C6orf132: variants seen among roughly 807,000 people sequenced by gnomAD.
The protein encoded by C6orf132 is chromosome 6 open reading frame 132.
Under a neutral mutation model 65.3 loss-of-function variants are expected in C6orf132, and 43 were observed. That is an observed-to-expected ratio of 0.66 (90% CI 0.52 to 0.85). C6orf132 has a LOEUF of 0.85. Among genes scored for constraint, C6orf132 ranks in the 40% least tolerant of loss-of-function variants. C6orf132 has a pLI of 0.00. For missense variants in C6orf132, 1,488 were observed against 1,548.8 expected (o/e 0.96, Z 0.66); for synonymous variants, 631 against 654.1 (o/e 0.96, Z 0.54).
chr6:42,126,044 C>T lies in C6orf132; in HGVS notation c.252+2628G>A, dbSNP rs145309546. On this transcript the variant is annotated intron_variant, in intron 2 of 4. Coordinates refer to ENST00000341865, the MANE Select transcript of C6orf132 (RefSeq NM_001164446.3). Reference sequence around the variant, plus strand: ...CAGGAGCCACTCCAGGGGCAACATCCGTTTCTACTGTGTAGAGAAGTATTT... The same window carrying T: ...CAGGAGCCACTCCAGGGGCAACATCTGTTTCTACTGTGTAGAGAAGTATTT... 1.6e-3 allele frequency among the ~76,000 whole-genome samples: 240 copies of T among 152,280 alleles called. 2 individuals are homozygous for T. The highest frequency in any genetic ancestry group is 5.4e-3 in the African/African-American group (223 of 41,568).
chr6:42,119,547 A>G (rs545570748), intron 2 of C6orf132, among the ~76,000 whole-genome samples: 1 of 151,310 alleles, frequency 6.6e-6, no homozygotes, highest in East Asian at 2.0e-4. Flanking sequence ...GGTTTTTGCT[A>G]TGTTGGCTAG....
At position 42,103,689 on chromosome 6, in the gene C6orf132, C is replaced by A; in HGVS notation, c.*72G>T. 9.9e-7 allele frequency: 1 copy of A among 1,011,510 alleles called. No homozygotes were observed. The highest frequency in any genetic ancestry group is 1.3e-6 in the Non-Finnish European group (1 of 765,288). The allele number at this position is 1,011,510 out of a possible 1,614,324, so 62.7% of individuals were successfully genotyped here. On this transcript the variant is annotated 3_prime_UTR_variant, in exon 5 of 5. Coordinates refer to ENST00000341865, the MANE Select transcript of C6orf132 (RefSeq NM_001164446.3). ...CCAACACCTGCTGTGTACCTCCCAC[C>A]CCCCACAAGAAACAAGTGCCCAGAT...
chr6:42,113,540 C>T (rs954152854), intron 2 of C6orf132, among the ~76,000 whole-genome samples: 2 of 152,220 alleles, frequency 1.3e-5, no homozygotes, highest in Admixed American at 6.5e-5. Flanking sequence ...GGCAGCTGGG[C>T]ATGGTGGCTC....
At chr6:42,108,216 T>C (rs1355121677) in intron 3 of C6orf132, among the ~76,000 whole-genome samples, 1 of 152,206 alleles carries the variant, frequency 6.6e-6, no homozygotes, top group Non-Finnish European at 1.5e-5. Flanking sequence ...ACTTATTAGA[T>C]GAGTGACCTT....
chr6:42,120,240 G>C (rs888988438), intron 2 of C6orf132, among the ~76,000 whole-genome samples: 2 of 150,202 alleles, frequency 1.3e-5, no homozygotes, highest in African/African-American at 4.9e-5. Context: ...TCTTTATTGC[G>C]AGGTTCTTTT....
intron 3 of C6orf132, among the ~76,000 whole-genome samples, chr6:42,108,720 G>C (rs1002102833): frequency 3.3e-5 from 5 of 152,086 alleles, no homozygotes; most frequent in Non-Finnish European, 7.4e-5. Context: ...CCCCAGCAGC[G>C]CACATCCCTC....
intron 2 of C6orf132, among the ~76,000 whole-genome samples, chr6:42,125,477 G>A (rs1766749637): frequency 6.6e-6 from 1 of 152,166 alleles, no homozygotes; most frequent in Non-Finnish European, 1.5e-5. Flanking sequence ...GGATGGGGTT[G>A]GCAAGTGGCT....
intron 2 of C6orf132, among the ~76,000 whole-genome samples, chr6:42,127,746 C>T (rs929188267): frequency 2.0e-5 from 3 of 152,136 alleles, no homozygotes; most frequent in African/African-American, 7.2e-5. Context: ...TAGGCCTGGG[C>T]TGTCTAGTAC....
At chr6:42,120,062 C>T (rs569768553) in intron 2 of C6orf132, among the ~76,000 whole-genome samples, 3 of 151,586 alleles carry the variant, frequency 2.0e-5, no homozygotes, top group Non-Finnish European at 2.9e-5. Context: ...CCATTGCACC[C>T]CAGCCTGGGC....
chr6:42,107,456 C>T lies in C6orf132; in HGVS notation c.456G>A (p.Gln152=). ...PPPGPAPGPP[Q]DISEPPGGSP... ...ACCCCCCTGGAGGTTCTGAAATGTC[C>T]TGAGGGGGCCCTGGGGCTGGGCCTG... is the stretch of plus-strand genomic sequence containing the variant. The change falls in exon 4 of 5, where the codon CAG becomes CAA. Residue 152 remains glutamine (Q), a synonymous_variant. Coordinates refer to ENST00000341865, the MANE Select transcript of C6orf132 (RefSeq NM_001164446.3). 3 of 1,410,280 alleles carry T rather than the reference C, an allele frequency of 2.1e-6. No homozygotes were observed. Among genetic ancestry groups the T allele is most frequent in the South Asian group, 2.5e-5 (2 of 80,596 alleles). The allele number at this position is 1,410,280 out of a possible 1,614,324, so 87.4% of individuals were successfully genotyped here.
chr6:42,115,005 C>CAAA lies in C6orf132; in HGVS notation c.253-4717_253-4715dup, dbSNP rs772119981. Among the ~76,000 whole-genome samples the CAAA allele has an allele frequency of 2.5e-3, 249 of 99,164 alleles. 3 individuals are homozygous for CAAA. Among genetic ancestry groups the CAAA allele is most frequent in the African/African-American group, 6.4e-3 (175 of 27,520 alleles). 65.1% of individuals were successfully genotyped at this position (99,164 alleles called of 152,430 possible). A position where few individuals can be genotyped will look rare whatever the true frequency, so the allele number is the denominator to read the frequency against. On this transcript the variant is annotated intron_variant, in intron 2 of 4. Coordinates refer to ENST00000341865, the MANE Select transcript of C6orf132 (RefSeq NM_001164446.3). ...TGGGCGACAGAGAGAGACTCTGTCTCAAAAAAAAAAAAAAGCCGGGCATGG... is the reference window on the plus strand; with the variant it reads ...TGGGCGACAGAGAGAGACTCTGTCTCAAAAAAAAAAAAAAAAAGCCGGGCATGG...
At chr6:42,140,361 G>A (rs1224802809) in intron 1 of C6orf132, among the ~76,000 whole-genome samples, 1 of 152,368 alleles carries the variant, frequency 6.6e-6, no homozygotes, top group Non-Finnish European at 1.5e-5. Flanking sequence ...GTGGCTGAGA[G>A]GCATGGCTGA....
intron 2 of C6orf132, among the ~76,000 whole-genome samples, chr6:42,123,446 AGG>A (rs1397061724): frequency 9.0e-5 from 4 of 44,652 alleles, no homozygotes; most frequent in African/African-American, 5.2e-4. Flanking sequence ...AAGGAGAAGA[AGG>A]AGAAGAAGGA....
chr6:42,111,214 C>T (rs3935367), intron 2 of C6orf132, among the ~76,000 whole-genome samples: 34,427 of 150,524 alleles, frequency 0.23, 4,337 homozygotes, highest in African/African-American at 0.33. Flanking sequence ...GCCTCCATCT[C>T]GTGGCTCAAG....
At chr6:42,142,179 T>C in intron 1 of C6orf132, 121 bp downstream of exon 1, 3 of 1,178,444 alleles carry the variant, frequency 2.5e-6, no homozygotes, top group Non-Finnish European at 3.5e-6. Flanking sequence ...GCGGCTGCTC[T>C]CGGCCAGTCC....
intron 2 of C6orf132, chr6:42,126,524 G>A: frequency 5.9e-6 from 1 of 168,602 alleles, no homozygotes; most frequent in Non-Finnish European, 1.3e-5. Context: ...AGTGATAGGA[G>A]AGAATCTAAT....
At chr6:42,132,906 G>A (rs568701899) in intron 1 of C6orf132, among the ~76,000 whole-genome samples, 2 of 148,996 alleles carry the variant, frequency 1.3e-5, no homozygotes, top group Admixed American at 6.6e-5. Flanking sequence ...AGGTGTGGCT[G>A]CAATCAGGCC....
Position 42,105,222 on chromosome 6 carries a change from T to C in C6orf132, c.2690A>G (p.Lys897Arg). The part of the protein sequence containing the change: ...GTPNSFTVVP[K>R]LPKEAEKDSP... The stretch of plus-strand genomic sequence containing the variant: ...GTCCTTCTCAGCCTCCTTGGGTAAC[T>C]TGGGCACCACAGTGAAGGAGTTGGG... Residue 897 changes from lysine to arginine, a missense_variant, in exon 4 of 5, where the codon AAG becomes AGG. Coordinates refer to ENST00000341865, the MANE Select transcript of C6orf132 (RefSeq NM_001164446.3). 4 of 1,537,190 alleles carry C rather than the reference T, an allele frequency of 2.6e-6. No individual in the cohort carries two copies. The South Asian group carries it at 4.8e-5, about 18-fold the overall frequency.
chr6:42,103,426 A>G lies in C6orf132; in HGVS notation c.*335T>C. 1 of 393,976 alleles carries G rather than the reference A, an allele frequency of 2.5e-6. No homozygotes were observed. The highest frequency in any genetic ancestry group is 4.5e-6 in the Non-Finnish European group (1 of 223,788). 24.4% of individuals were successfully genotyped at this position (393,976 alleles called of 1,614,324 possible). A position where few individuals can be genotyped will look rare whatever the true frequency, so the allele number is the denominator to read the frequency against. ...CCTGCTCAGTAGGCCGTGCTTGTAA[A>G]ACTGTTTTAAATAACTCTTGCTAAA... On this transcript the variant is annotated 3_prime_UTR_variant, in exon 5 of 5. Transcript: ENST00000341865.
Sources: gnomAD v4.1 joint callset for allele counts (sites outside exome capture counted in the v4.1 genomes callset) on GRCh38, gnomAD v4.1.1 for gene constraint, MANE v1.5 for transcripts, NCBI Gene and HGNC (gene_info 2026-07-23, HGNC 2026-07-21) for gene names.